MAP4K4: variants seen among roughly 807,000 people sequenced by gnomAD.
MAP4K4 encodes mitogen-activated protein kinase kinase kinase kinase 4, also known as HPK/GCK-like kinase HGK.
A neutral mutation model predicts 189.6 loss-of-function variants in MAP4K4; 38 were observed. The observed-to-expected ratio is 0.20, with a 90% CI of 0.15 to 0.26. The LOEUF is 0.26. Among genes scored for constraint, MAP4K4 ranks in the 10% least tolerant of loss-of-function variants. The pLI, the probability that MAP4K4 is intolerant of heterozygous loss-of-function variation, is 1.00. For synonymous variants in MAP4K4, 610 were observed against 624.3 expected (o/e 0.98, Z 0.34); for missense variants, 1,054 against 1,726.9 (o/e 0.61, Z 6.91).
intron 2 of MAP4K4, among the ~76,000 whole-genome samples, chr2:101,733,814 C>A (rs575650883): frequency 1.1e-4 from 16 of 152,176 alleles, no homozygotes; most frequent in Non-Finnish European, 2.1e-4. Flanking sequence ...TGTCAGGTCC[C>A]GTTACAGGAA....
At chr2:101,746,459 C>CT (rs1036500024) in intron 2 of MAP4K4, among the ~76,000 whole-genome samples, 5 of 151,744 alleles carry the variant, frequency 3.3e-5, no homozygotes, top group African/African-American at 1.2e-4. Flanking sequence ...ATTTGTTGTT[C>CT]TGCCATGGTA....
chr2:101,788,193 C>T lies in MAP4K4; in HGVS notation c.124-2527C>T, dbSNP rs187260187. 1.1e-4 allele frequency among the ~76,000 whole-genome samples: 16 copies of T among 152,110 alleles called. No homozygotes were observed. The East Asian group carries it at 2.7e-3, about 26-fold the overall frequency. On this transcript the variant is annotated intron_variant, in intron 2 of 32. Transcript: ENST00000324219. ...ATTCCTTTCAAAAATTAGAAATGGG[C>T]CTACATTGACTACATTTGAGACAAT...
chr2:101,727,563 T>C (rs778121913), intron 2 of MAP4K4, among the ~76,000 whole-genome samples: 1 of 152,212 alleles, frequency 6.6e-6, no homozygotes, highest in Non-Finnish European at 1.5e-5. Context: ...TGTTTTAGAC[T>C]CTTAAAATTT....
chr2:101,838,366 A>G (rs934258217), intron 9 of MAP4K4, among the ~76,000 whole-genome samples: 2 of 152,262 alleles, frequency 1.3e-5, no homozygotes, highest in Non-Finnish European at 2.9e-5. Flanking sequence ...GTTCCTCATT[A>G]AACGTAGAAT....
At chr2:101,805,877 C>T (rs1436194331) in intron 3 of MAP4K4, among the ~76,000 whole-genome samples, 1 of 152,192 alleles carries the variant, frequency 6.6e-6, no homozygotes, top group East Asian at 1.9e-4. Flanking sequence ...CTGTGTCTCA[C>T]TGCCGCTTCC....
At chr2:101,702,677 A>G (rs2039631578) in intron 2 of MAP4K4, among the ~76,000 whole-genome samples, 1 of 152,248 alleles carries the variant, frequency 6.6e-6, no homozygotes, top group Non-Finnish European at 1.5e-5. Context: ...CAGGGAGTTT[A>G]GAATCCAGCA....
chr2:101,811,088 G>A (rs539871616), intron 3 of MAP4K4, among the ~76,000 whole-genome samples: 43 of 152,180 alleles, frequency 2.8e-4, no homozygotes, highest in African/African-American at 1.0e-3. Flanking sequence ...GAATGTGAAA[G>A]TAGGGTCGGG....
chr2:101,759,285 A>G (rs2074528537), intron 2 of MAP4K4, among the ~76,000 whole-genome samples: 1 of 152,012 alleles, frequency 6.6e-6, no homozygotes. Flanking sequence ...TCTCCTAGAA[A>G]GAGCTCTTAT....
intron 2 of MAP4K4, among the ~76,000 whole-genome samples, chr2:101,781,614 G>C (rs59416468): frequency 0.063 from 9,620 of 152,094 alleles, 809 homozygotes; most frequent in African/African-American, 0.19. Context: ...CACTCTCTTA[G>C]ACTAACCTTT....
At chr2:101,822,469 A>G (rs1395260865) in intron 3 of MAP4K4, among the ~76,000 whole-genome samples, 2 of 152,262 alleles carry the variant, frequency 1.3e-5, no homozygotes, top group South Asian at 2.1e-4. Context: ...TAAGATGACT[A>G]CATGTCTTGT....
chr2:101,854,311 G>A lies in MAP4K4; in HGVS notation c.1234-1666G>A, dbSNP rs1047868069. Among the ~76,000 whole-genome samples, 11 of 152,292 alleles carry A rather than the reference G, an allele frequency of 7.2e-5. 1 individual carries two copies. The Middle Eastern group carries it at 0.014, about 188-fold the overall frequency. On this transcript the variant is annotated intron_variant, in intron 12 of 32. Transcript: ENST00000324219. ...CACCTTGATAAATAAAGATGGCATA[G>A]CCATTAAAGTTGTAGTTTTTAGATA...
In MAP4K4 at chr2:101,833,574, C is replaced by T. The variant is rs920268935; in HGVS notation, c.640-835C>T. On this transcript the variant is annotated intron_variant, in intron 7 of 32. Transcript: ENST00000324219. ...GGTGGAGCTTGCGGTGAGCTGAGAT[C>T]GCGCCACTGCATTCCAGCCTGGGTG... Among the ~76,000 whole-genome samples, 106 of 150,224 alleles carry T rather than the reference C, an allele frequency of 7.1e-4. 2 individuals are homozygous for T. Among genetic ancestry groups the T allele is most frequent in the Non-Finnish European group, 1.8e-4 (12 of 67,738 alleles).
At chr2:101,871,462 G>C (rs2098019910) in intron 23 of MAP4K4, 32 bp from the exon 24 acceptor site, 2 of 1,504,872 alleles carry the variant, frequency 1.3e-6, no homozygotes, top group Non-Finnish European at 1.8e-6. Context: ...AGCAGCGCTT[G>C]AGCGAGACAA....
chr2:101,710,924 C>T (rs2045126467), intron 2 of MAP4K4, among the ~76,000 whole-genome samples: 1 of 152,138 alleles, frequency 6.6e-6, no homozygotes, highest in African/African-American at 2.4e-5. Context: ...TGCCTTGAGC[C>T]AGCTGTCTCT....
chr2:101,767,142 A>G (rs1168075394), intron 2 of MAP4K4, among the ~76,000 whole-genome samples: 2 of 152,178 alleles, frequency 1.3e-5, no homozygotes, highest in African/African-American at 4.8e-5. Flanking sequence ...AAGGCAACCA[A>G]TTCTCCTGCC....
intron 23 of MAP4K4, 128 bp downstream of exon 23, chr2:101,870,543 A>G: frequency 7.5e-7 from 1 of 1,336,630 alleles, no homozygotes; most frequent in Non-Finnish European, 1.0e-6. Context: ...CCAGAGGGTC[A>G]AGTGTCGAGT....
chr2:101,802,050 G>A (rs935291916), intron 3 of MAP4K4, among the ~76,000 whole-genome samples: 1 of 152,236 alleles, frequency 6.6e-6, no homozygotes, highest in African/African-American at 2.4e-5. Context: ...GATAGTGGGT[G>A]TGGATAGATT....
intron 2 of MAP4K4, among the ~76,000 whole-genome samples, chr2:101,737,188 G>A (rs964363266): frequency 1.3e-5 from 2 of 151,930 alleles, no homozygotes; most frequent in Non-Finnish European, 2.9e-5. Flanking sequence ...AGGTGTGTAT[G>A]TACTTCTGTT....
intron 2 of MAP4K4, among the ~76,000 whole-genome samples, chr2:101,761,481 G>C (rs563003055): frequency 2.7e-3 from 404 of 151,890 alleles, no homozygotes; most frequent in Non-Finnish European, 4.8e-3. Context: ...ATAGAGAGGA[G>C]AGTCCTTGCC....
Sources: gnomAD v4.1 joint callset for allele counts (sites outside exome capture counted in the v4.1 genomes callset) on GRCh38, gnomAD v4.1.1 for gene constraint, MANE v1.5 for transcripts, NCBI Gene and HGNC (gene_info 2026-07-23, HGNC 2026-07-21) for gene names.